Variants in GET1 observed in about 807,000 individuals in gnomAD.
GET1 encodes guided entry of tail-anchored proteins factor 1.
GET1 carries 20 observed loss-of-function variants against 22.6 expected under a neutral mutation model. That is an observed-to-expected ratio of 0.89 (90% CI 0.62 to 1.29). The LOEUF (loss-of-function observed/expected upper bound fraction) is 1.29, where lower values mean the gene tolerates loss of function less well. GET1 is among the 50% of genes most tolerant of loss of function. GET1 has a pLI of 0.00. For missense variants in GET1, 209 were observed against 219.9 expected, an observed-to-expected ratio of 0.95 and a Z score of 0.31; for synonymous variants, 92 against 83.8, an observed-to-expected ratio of 1.10 and a Z score of -0.53.
rs2038701749 is a variant in GET1 at position 39,397,021 on chromosome 21, T to C, written c.*82T>C. 14 of 1,487,442 alleles carry C rather than the reference T, an allele frequency of 9.4e-6. No homozygotes were observed. Among genetic ancestry groups the C allele is most frequent in the Non-Finnish European group, 1.2e-5 (13 of 1,078,560 alleles). 92.1% of individuals were successfully genotyped at this position (1,487,442 alleles called of 1,614,324 possible). A position where few individuals can be genotyped will look rare whatever the true frequency, so the allele number is the denominator to read the frequency against. On this transcript the variant is annotated 3_prime_UTR_variant, in exon 5 of 5. Coordinates refer to ENST00000649170, the MANE Select transcript of GET1 (RefSeq NM_004627.6). ...AAATCTGATTTACACTGTTTTGTTT[T>C]TTAAGAAACAAAAGTGCATAGTTTA...
Position 39,391,811 on chromosome 21 carries a change from T to C in GET1, c.311T>C (p.Ile104Thr). The C allele has an allele frequency of 1.9e-6, 3 of 1,614,186 alleles. No individual in the cohort carries two copies. The highest frequency in any genetic ancestry group is 2.5e-6 in the Non-Finnish European group (3 of 1,180,016). ...CAATTAGCCAAGATAAAATGGGTGA[T>C]AAGTGTCGCTTTCTACGTATTGCAG... ...TAQLAKIKWV[I>T]SVAFYVLQAA... is the part of the protein sequence containing the mutation. The change falls in exon 3 of 5, where the codon ATA becomes ACA. Residue 104 changes from isoleucine to threonine, a missense_variant. Transcript: ENST00000649170.
intron 1 of GET1, chr21:39,423,338 C>A (rs184105746): frequency 6.2e-7 from 1 of 1,613,096 alleles, no homozygotes; most frequent in East Asian, 2.2e-5. Flanking sequence ...TGCATATCAG[C>A]TAATTCATTT....
At position 39,397,860 on chromosome 21, in the gene GET1, A is replaced by T. The variant is rs540862738; in HGVS notation, c.*921A>T. 1 of 152,340 alleles carries T rather than the reference A, an allele frequency of 6.6e-6. No homozygotes were observed. The highest frequency in any genetic ancestry group is 1.9e-4 in the East Asian group (1 of 5,192). 9.4% of individuals were successfully genotyped at this position (152,340 alleles called of 1,614,324 possible). On this transcript the variant is annotated 3_prime_UTR_variant, in exon 5 of 5. Transcript: ENST00000649170. ...ACAAGTGGCTGTTAACTGAGTCACC[A>T]TATCCCAGTAAAGCTGAATTTTCTC...
chr21:39,382,366 CTTTT>C (rs950245902), intron 1 of GET1, among the ~76,000 whole-genome samples: 4 of 152,102 alleles, frequency 2.6e-5, no homozygotes, highest in Admixed American at 2.6e-4. Flanking sequence ...CATCCCAGAA[CTTTT>C]TTTATCTCCT....
intron 1 of GET1, among the ~76,000 whole-genome samples, chr21:39,382,524 T>C (rs891045934): frequency 6.6e-6 from 1 of 152,262 alleles, no homozygotes; most frequent in African/African-American, 2.4e-5. Flanking sequence ...TTTCCTTTTG[T>C]GACTGGCTTC....
downstream of GET1, among the ~76,000 whole-genome samples, chr21:39,400,394 G>A (rs767866789): frequency 1.1e-4 from 16 of 152,290 alleles, no homozygotes; most frequent in Admixed American, 1.0e-3. Flanking sequence ...GATGACGCAA[G>A]TGCCTTTAGG....
At chr21:39,385,919 G>A (rs1224522977) in intron 1 of GET1, among the ~76,000 whole-genome samples, 1 of 152,104 alleles carries the variant, frequency 6.6e-6, no homozygotes, top group African/African-American at 2.4e-5. Flanking sequence ...CTGTGCAGGC[G>A]CCCTAGGACT....
chr21:39,410,741 G>T, downstream of GET1: 1 of 443,492 alleles, frequency 2.3e-6, no homozygotes. Flanking sequence ...TGTCCATGCT[G>T]AAGCGCATGA....
chr21:39,381,224 T>A (rs1264988886), intron 1 of GET1, among the ~76,000 whole-genome samples: 1 of 151,862 alleles, frequency 6.6e-6, no homozygotes, highest in East Asian at 1.9e-4. Flanking sequence ...CAGGGCGTGG[T>A]GGGGTGTGGC....
intron 4 of GET1, chr21:39,405,767 A>T: frequency 2.9e-6 from 2 of 701,238 alleles, no homozygotes; most frequent in Non-Finnish European, 4.2e-6. Flanking sequence ...AAAGTCAATT[A>T]AGTACTAAAA....
At chr21:39,392,946 T>G in intron 3 of GET1, 1 of 517,180 alleles carries the variant, frequency 1.9e-6, no homozygotes, top group Non-Finnish European at 3.5e-6. Flanking sequence ...GACATGCTGC[T>G]GAGCTCGTCT....
At chr21:39,402,502 TG>T (rs2038865337), downstream of GET1, among the ~76,000 whole-genome samples, 1 of 152,238 alleles carries the variant, frequency 6.6e-6, no homozygotes, top group Non-Finnish European at 1.5e-5. Flanking sequence ...TTGGGCTGCC[TG>T]GGTTTTGTCC....
At chr21:39,381,220 G>A (rs1328206018) in intron 1 of GET1, among the ~76,000 whole-genome samples, 5 of 152,134 alleles carry the variant, frequency 3.3e-5, no homozygotes, top group East Asian at 1.9e-4. Flanking sequence ...TGGACAGGGC[G>A]TGGTGGGGTG....
chr21:39,387,763 G>A lies in GET1; in HGVS notation c.103-2935G>A, dbSNP rs114798465. ...TCACTGGGCGGGTCAGAAACCACGC[G>A]CATGCGCAGACACCCTCAGGCGACT... is the stretch of plus-strand genomic sequence containing the variant. On this transcript the variant is annotated intron_variant, in intron 1 of 4. Transcript: ENST00000649170. The A allele has an allele frequency of 3.0e-3, 2,917 of 983,110 alleles. 53 individuals carry two copies. The African/African-American group carries it at 0.042, about 14-fold the overall frequency. The allele number at this position is 983,110 out of a possible 1,614,324, so 60.9% of individuals were successfully genotyped here.
chr21:39,414,303 AG>A (rs1470407417), intron 1 of GET1: 1 of 152,246 alleles, frequency 6.6e-6, no homozygotes, highest in Non-Finnish European at 1.5e-5. Context: ...GTGTGACCGT[AG>A]CCTGGGTGTA....
At position 39,420,856 on chromosome 21, in the gene GET1, T is replaced by C. The variant is rs145063584; in HGVS notation, c.*24-7376T>C. On this transcript the variant is annotated intron_variant, in intron 1 of 1. Transcript: ENST00000478273. ...GTTTTTCCAAGCTCTGAAAACAGTA[T>C]ATATTATAACTATTCTGCAACCAAG... 2.9e-4 allele frequency: 465 copies of C among 1,602,154 alleles called. 1 individual carries two copies. The African/African-American group carries it at 5.6e-3, about 19-fold the overall frequency.
chr21:39,425,754 T>G (rs964795037), intron 1 of GET1: 3 of 152,444 alleles, frequency 2.0e-5, no homozygotes, highest in African/African-American at 7.2e-5. Context: ...TTGTAATGTC[T>G]TCCAGCTCTT....
intron 1 of GET1, among the ~76,000 whole-genome samples, chr21:39,417,886 C>T (rs2041540754): frequency 6.6e-6 from 1 of 152,166 alleles, no homozygotes; most frequent in Non-Finnish European, 1.5e-5. Context: ...CTGCCTCAGC[C>T]TCCCAAGTAG....
intron 1 of GET1, among the ~76,000 whole-genome samples, chr21:39,419,361 C>T (rs1173925085): frequency 6.6e-6 from 1 of 151,618 alleles, no homozygotes; most frequent in Non-Finnish European, 1.5e-5. Context: ...CCCGTCTCTA[C>T]AAAAATTTTA....
Sources: gnomAD v4.1 joint callset for allele counts (sites outside exome capture counted in the v4.1 genomes callset) on GRCh38, gnomAD v4.1.1 for gene constraint, MANE v1.5 for transcripts, NCBI Gene and HGNC (gene_info 2026-07-23, HGNC 2026-07-21) for gene names.